Variants in EXOC6 observed in about 807,000 individuals in gnomAD.
EXOC6 encodes the protein exocyst complex component 6.
In EXOC6, 60 loss-of-function variants were observed where a neutral mutation model predicts 112.5. The observed-to-expected ratio is 0.53, with a 90% CI of 0.43 to 0.66. The LOEUF is 0.66. Ranked by LOEUF, EXOC6 falls within the 30% of genes least tolerant of loss-of-function variation. EXOC6 has a pLI of 0.00. For missense variants in EXOC6, 855 were observed against 957.1 expected, an observed-to-expected ratio of 0.89 and a Z score of 1.41; for synonymous variants, 295 against 308.0, an observed-to-expected ratio of 0.96 and a Z score of 0.44.
chr10:92,992,287 C>CA (rs35924745), intron 18 of EXOC6, among the ~76,000 whole-genome samples: 38,765 of 73,902 alleles, frequency 0.52, 10,278 homozygotes, highest in East Asian at 0.81. Context: ...GACTCTGTCT[C>CA]AAAAAAAAAA....
At chr10:93,029,910 T>C (rs1159140005) in intron 20 of EXOC6, among the ~76,000 whole-genome samples, 2 of 151,546 alleles carry the variant, frequency 1.3e-5, no homozygotes, top group African/African-American at 2.4e-5. Flanking sequence ...TTTTCTTTTT[T>C]CTTTTTTTTT....
intron 1 of EXOC6, among the ~76,000 whole-genome samples, chr10:92,858,441 T>C (rs1266612637): frequency 6.6e-6 from 1 of 152,176 alleles, no homozygotes; most frequent in Non-Finnish European, 1.5e-5. Context: ...TTTTTCTCTC[T>C]TACTGTTTTT....
At chr10:92,839,740 A>C (rs1846777495) in intron 1 of EXOC6, among the ~76,000 whole-genome samples, 1 of 152,000 alleles carries the variant, frequency 6.6e-6, no homozygotes, top group South Asian at 2.1e-4. Context: ...ACTTGGGTTC[A>C]GAAGTCACAG....
At chr10:92,938,515 T>C (rs1271569243) in intron 12 of EXOC6, among the ~76,000 whole-genome samples, 2 of 152,166 alleles carry the variant, frequency 1.3e-5, no homozygotes, top group East Asian at 3.8e-4. Flanking sequence ...GAAATTTTGC[T>C]TTTTAAAATG....
At chr10:92,862,754 A>G (rs1813416366) in intron 1 of EXOC6, among the ~76,000 whole-genome samples, 1 of 152,244 alleles carries the variant, frequency 6.6e-6, no homozygotes, top group Non-Finnish European at 1.5e-5. Context: ...TAGATAGTCC[A>G]CATTTTATTT....
At position 93,014,236 on chromosome 10, in the gene EXOC6, C is replaced by T; in HGVS notation, c.2138C>T (p.Thr713Ile). 1 of 1,613,212 alleles carries T rather than the reference C, an allele frequency of 6.2e-7. No homozygotes were observed. Among genetic ancestry groups the T allele is most frequent in the Non-Finnish European group, 8.5e-7 (1 of 1,179,598 alleles). ...SEPVPGFQGD[T>I]LQLAFIDLRQ... is the part of the protein sequence containing the mutation. ...CCTGTGCCAGGATTCCAGGGGGATA[C>T]CCTGCAGCTAGCATTCATTGACCTC... is the stretch of plus-strand genomic sequence containing the variant. The change falls in exon 20 of 22, where the codon ACC becomes ATC. Residue 713 changes from threonine to isoleucine, a missense_variant. Thr to Ile is a moderately conservative substitution (Grantham distance 89). Transcript: ENST00000260762.
At chr10:92,896,017 ATGTGTATATATATG>A (rs1251271754) in intron 4 of EXOC6, among the ~76,000 whole-genome samples, 4 of 142,640 alleles carry the variant, frequency 2.8e-5, no homozygotes, top group Non-Finnish European at 4.5e-5. Flanking sequence ...ATGTGTATAT[ATGTGTATATATATG>A]TGTGTATATA....
At chr10:92,936,049 A>G (rs888836989) in intron 12 of EXOC6, among the ~76,000 whole-genome samples, 164 bp downstream of exon 12, 1 of 152,230 alleles carries the variant, frequency 6.6e-6, no homozygotes, top group African/African-American at 2.4e-5. Context: ...TATTCATACC[A>G]CTTCCTTTTC....
intron 1 of EXOC6, among the ~76,000 whole-genome samples, chr10:92,890,986 CAG>C (rs1849473159): frequency 1.3e-5 from 2 of 152,248 alleles, no homozygotes; most frequent in Admixed American, 6.5e-5. Flanking sequence ...AGGATGGAAT[CAG>C]GGAGACCAGT....
At chr10:92,852,988 A>G (rs1847424535) in intron 1 of EXOC6, among the ~76,000 whole-genome samples, 1 of 152,176 alleles carries the variant, frequency 6.6e-6, no homozygotes, top group Non-Finnish European at 1.5e-5. Context: ...CTGTGTGATC[A>G]ACTATTATAG....
At chr10:93,024,367 C>T (rs976197517) in intron 20 of EXOC6, among the ~76,000 whole-genome samples, 1 of 152,142 alleles carries the variant, frequency 6.6e-6, no homozygotes, top group Admixed American at 6.5e-5. Flanking sequence ...GTTTCCAAGT[C>T]AGGTAAGTTT....
chr10:92,850,514 CT>C (rs1018048580), intron 1 of EXOC6, among the ~76,000 whole-genome samples: 138 of 151,894 alleles, frequency 9.1e-4, no homozygotes, highest in African/African-American at 3.1e-3. Flanking sequence ...TATTTTTTCC[CT>C]TTTTTTTCAG....
At chr10:92,986,552 T>C (rs1271817164) in intron 18 of EXOC6, among the ~76,000 whole-genome samples, 1 of 151,642 alleles carries the variant, frequency 6.6e-6, no homozygotes, top group East Asian at 2.0e-4. Flanking sequence ...AGAGGGCAGC[T>C]TCCCATATGG....
chr10:92,831,978 T>C (rs1396281489), upstream of EXOC6, among the ~76,000 whole-genome samples: 2 of 152,226 alleles, frequency 1.3e-5, no homozygotes, highest in Non-Finnish European at 2.9e-5. Context: ...TTTAAAACCA[T>C]GTGATATTTA....
chr10:92,915,935 T>G, intron 7 of EXOC6, 22 bp downstream of exon 7: 1 of 1,476,388 alleles, frequency 6.8e-7, no homozygotes, highest in Non-Finnish European at 9.0e-7. Flanking sequence ...CTTTCTTTCT[T>G]TTCTATTATT....
At chr10:92,881,318 T>C (rs1051639205) in intron 1 of EXOC6, among the ~76,000 whole-genome samples, 2 of 152,224 alleles carry the variant, frequency 1.3e-5, no homozygotes, top group Non-Finnish European at 2.9e-5. Context: ...CATATTCCAT[T>C]GGTGAAAGTA....
chr10:92,916,059 C>CA, intron 7 of EXOC6, 146 bp downstream of exon 7: 4 of 531,270 alleles, frequency 7.5e-6, no homozygotes, highest in Non-Finnish European at 9.5e-6. Flanking sequence ...GTCAGTGTGT[C>CA]AAACTTTGAC....
In EXOC6 at chr10:92,982,956, C is replaced by G. The variant is rs185819753; in HGVS notation, c.1953+8724C>G. ...TAATATGCTTTCTTTAATTGAGAAA[C>G]AAATATATGCTCAAGAATAAATAAA... On this transcript the variant is annotated intron_variant, in intron 18 of 21. Coordinates refer to ENST00000260762, the MANE Select transcript of EXOC6 (RefSeq NM_019053.6). Among the ~76,000 whole-genome samples the G allele has an allele frequency of 3.7e-3, 567 of 152,180 alleles. 2 individuals carry two copies. The highest frequency in any genetic ancestry group is 0.013 in the African/African-American group (522 of 41,520).
At chr10:92,835,223 T>C (rs1846626166) in intron 1 of EXOC6, among the ~76,000 whole-genome samples, 1 of 152,214 alleles carries the variant, frequency 6.6e-6, no homozygotes, top group Non-Finnish European at 1.5e-5. Flanking sequence ...ATGTAGACCA[T>C]TTATTTGTAT....
Sources: allele counts gnomAD v4.1 joint callset (sites outside exome capture counted in the v4.1 genomes callset), GRCh38; gene constraint gnomAD v4.1.1; transcripts MANE v1.5; gene names NCBI Gene and HGNC (gene_info 2026-07-23, HGNC 2026-07-21).